Variants in KSR2 observed in about 807,000 individuals in gnomAD.
KSR2 encodes kinase suppressor of ras 2.
In KSR2, 25 loss-of-function variants were observed where a neutral mutation model predicts 107.8. The ratio of observed to expected loss-of-function variants is 0.23; its 90% confidence interval spans 0.17 to 0.32. The LOEUF is 0.32. KSR2 is among the 10% of genes least tolerant of loss of function. KSR2 has a pLI of 1.00. For missense variants in KSR2, 887 were observed against 1,268.9 expected, an observed-to-expected ratio of 0.70 and a Z score of 4.57; for synonymous variants, 480 against 507.0, an observed-to-expected ratio of 0.95 and a Z score of 0.71.
At chr12:117,832,354 A>C (rs1892006433) in intron 3 of KSR2, among the ~76,000 whole-genome samples, 1 of 152,208 alleles carries the variant, frequency 6.6e-6, no homozygotes. Context: ...AGGAAACCAG[A>C]GCTACAAGGC....
chr12:117,549,670 G>A (rs945154023), intron 9 of KSR2, among the ~76,000 whole-genome samples: 2 of 152,156 alleles, frequency 1.3e-5, no homozygotes, highest in African/African-American at 4.8e-5. Context: ...CAGGAGAGAG[G>A]AATAGAGGAG....
intron 4 of KSR2, among the ~76,000 whole-genome samples, chr12:117,745,920 G>C (rs1191691192): frequency 6.6e-6 from 1 of 152,052 alleles, no homozygotes; most frequent in African/African-American, 2.4e-5. Flanking sequence ...CACTGCTCAA[G>C]GAAATAGGAG....
At chr12:117,841,439 T>C (rs905602817) in intron 3 of KSR2, among the ~76,000 whole-genome samples, 1 of 152,128 alleles carries the variant, frequency 6.6e-6, no homozygotes, top group Non-Finnish European at 1.5e-5. Flanking sequence ...TGCAGCCTAA[T>C]CTGCCCACCA....
chr12:117,749,273 C>G (rs1433191774), intron 4 of KSR2, among the ~76,000 whole-genome samples: 1 of 151,418 alleles, frequency 6.6e-6, no homozygotes. Context: ...CTTACCAGCT[C>G]TGAGAAGTGG....
chr12:117,726,776 T>C (rs1028560665), intron 4 of KSR2, among the ~76,000 whole-genome samples: 8 of 152,172 alleles, frequency 5.3e-5, no homozygotes, highest in African/African-American at 1.9e-4. Context: ...ACACATATGC[T>C]AGGACCTAGG....
intron 9 of KSR2, among the ~76,000 whole-genome samples, chr12:117,546,180 C>T (rs1876854982): frequency 6.6e-6 from 1 of 152,142 alleles, no homozygotes; most frequent in Non-Finnish European, 1.5e-5. Flanking sequence ...TCTTAGTTTT[C>T]CTTCATCTGA....
At chr12:117,693,333 A>C (rs1028452219) in intron 4 of KSR2, among the ~76,000 whole-genome samples, 25 of 152,230 alleles carry the variant, frequency 1.6e-4, no homozygotes, top group Non-Finnish European at 3.4e-4. Context: ...TAGAGTAAGA[A>C]TCAATCTACA....
At chr12:117,715,409 C>G (rs1886941529) in intron 4 of KSR2, among the ~76,000 whole-genome samples, 1 of 152,184 alleles carries the variant, frequency 6.6e-6, no homozygotes, top group African/African-American at 2.4e-5. Flanking sequence ...TGCCTGTGAA[C>G]AAGAAAGGTG....
intron 4 of KSR2, among the ~76,000 whole-genome samples, chr12:117,739,359 A>G (rs1414299809): frequency 6.6e-6 from 1 of 152,226 alleles, no homozygotes; most frequent in Non-Finnish European, 1.5e-5. Flanking sequence ...CGCCTCAAAA[A>G]TATAATTGAA....
chr12:117,602,737 A>C (rs577393922), intron 5 of KSR2, among the ~76,000 whole-genome samples: 1 of 152,192 alleles, frequency 6.6e-6, no homozygotes, highest in African/African-American at 2.4e-5. Flanking sequence ...TTGTTTGAAA[A>C]CCTATTTCCC....
chr12:117,621,173 A>C (rs1295626476), intron 5 of KSR2, among the ~76,000 whole-genome samples: 1 of 152,026 alleles, frequency 6.6e-6, no homozygotes, highest in Non-Finnish European at 1.5e-5. Flanking sequence ...TGGTTTTATA[A>C]ATGGTAGTTT....
chr12:117,457,327 C>T lies in KSR2; in HGVS notation c.*9872G>A, dbSNP rs1242610106. On this transcript the variant is annotated 3_prime_UTR_variant, in exon 20 of 20. Transcript: ENST00000339824. ...CAGGATGCTGGATTTGAATCCTAGT[C>T]GCGTGGCCTGGAGACAACTCAGGGG... The T allele has an allele frequency of 1.3e-5, 2 of 152,180 alleles. No homozygotes were observed. Among genetic ancestry groups the T allele is most frequent in the Non-Finnish European group, 2.9e-5 (2 of 68,036 alleles). The allele number at this position is 152,180 out of a possible 1,614,324, so 9.4% of individuals were successfully genotyped here.
At chr12:117,809,585 A>G (rs1305680217) in intron 3 of KSR2, among the ~76,000 whole-genome samples, 1 of 152,182 alleles carries the variant, frequency 6.6e-6, no homozygotes, top group Non-Finnish European at 1.5e-5. Context: ...CCTCATCAAC[A>G]TCACTCTCTG....
chr12:117,556,925 G>C (rs1428377783), intron 8 of KSR2, among the ~76,000 whole-genome samples: 1 of 152,184 alleles, frequency 6.6e-6, no homozygotes, highest in African/African-American at 2.4e-5. Context: ...CCAGCACTTT[G>C]GGAGGCAGAG....
At chr12:117,620,118 G>A (rs1192891547) in intron 5 of KSR2, among the ~76,000 whole-genome samples, 3 of 152,132 alleles carry the variant, frequency 2.0e-5, no homozygotes, top group Non-Finnish European at 4.4e-5. Context: ...TCACTTTAGA[G>A]ATGAGAAAAT....
At chr12:117,696,692 AC>A (rs1282216186) in intron 4 of KSR2, among the ~76,000 whole-genome samples, 1 of 152,166 alleles carries the variant, frequency 6.6e-6, no homozygotes, top group African/African-American at 2.4e-5. Flanking sequence ...GCCCAAATCT[AC>A]CTTAAGACTA....
chr12:117,895,439 TATA>T (rs1340951801), intron 1 of KSR2, among the ~76,000 whole-genome samples: 1 of 152,062 alleles, frequency 6.6e-6, no homozygotes, highest in Non-Finnish European at 1.5e-5. Flanking sequence ...GAATTAAAAA[TATA>T]ATAATAATAA....
At chr12:117,874,870 T>C (rs1055601691) in intron 1 of KSR2, among the ~76,000 whole-genome samples, 15 of 151,458 alleles carry the variant, frequency 9.9e-5, no homozygotes, top group Non-Finnish European at 2.2e-4. Flanking sequence ...CACAGGACTT[T>C]TGGAAATAGC....
intron 9 of KSR2, among the ~76,000 whole-genome samples, chr12:117,552,623 G>A (rs1360317289): frequency 2.0e-5 from 3 of 152,182 alleles, no homozygotes; most frequent in Non-Finnish European, 4.4e-5. Context: ...ACTCAACCCA[G>A]CCCAGGCACC....
Sources: gnomAD v4.1 joint callset for allele counts (sites outside exome capture counted in the v4.1 genomes callset) on GRCh38, gnomAD v4.1.1 for gene constraint, MANE v1.5 for transcripts, NCBI Gene and HGNC (gene_info 2026-07-23, HGNC 2026-07-21) for gene names.